Variants in NFRKB observed in about 807,000 individuals in gnomAD.
NFRKB encodes the protein nuclear factor related to kappa-B-binding protein.
A neutral mutation model predicts 135.7 loss-of-function variants in NFRKB; 62 were observed. The ratio of observed to expected loss-of-function variants is 0.46; its 90% CI spans 0.37 to 0.56. The LOEUF is 0.56. Ranked by LOEUF, NFRKB falls within the 20% of genes least tolerant of loss-of-function variation. NFRKB has a pLI of 0.00. For synonymous variants in NFRKB, 678 were observed against 635.6 expected, an observed-to-expected ratio of 1.07 and a Z score of -1.00; for missense variants, 1,545 against 1,662.0, an observed-to-expected ratio of 0.93 and a Z score of 1.22.
chr11:129,868,147 C>T (rs1337386503), intron 24 of NFRKB, among the ~76,000 whole-genome samples: 2 of 151,876 alleles, frequency 1.3e-5, no homozygotes, highest in Non-Finnish European at 2.9e-5. Context: ...CAAAAGACTC[C>T]ATATATAAGG....
At chr11:129,890,521 A>C (rs1057364898) in intron 3 of NFRKB, among the ~76,000 whole-genome samples, 57 of 152,124 alleles carry the variant, frequency 3.7e-4, no homozygotes, top group African/African-American at 1.2e-3. Flanking sequence ...CATTTTATCC[A>C]TAATGTTTGG....
chr11:129,888,501 TAAAAAGAA>T (rs1949387608), intron 4 of NFRKB, 85 bp downstream of exon 4: 1 of 1,256,712 alleles, frequency 8.0e-7, no homozygotes. Context: ...TACATGAAGA[TAAAAAGAA>T]GAAAAGGAAG....
Position 129,874,013 on chromosome 11 carries a change from A to G in NFRKB, c.2282T>C (p.Val761Ala), listed in dbSNP as rs1948644006. 6.2e-7 allele frequency: 1 copy of G among 1,611,794 alleles called. No homozygotes were observed. Among genetic ancestry groups the G allele is most frequent in the South Asian group, 1.1e-5 (1 of 91,064 alleles). ...VSEPAKSSSG[V>A]LLVSSPTMPH... is the part of the protein sequence containing the mutation. The stretch of plus-strand genomic sequence containing the variant: ...CATTGTTGGTGAAGACACCAGAAGA[A>G]CACTATGAAGAACATCGGGGAAAGA... Residue 761 changes from valine (V) to alanine (A), a missense_variant and splice_region_variant, in exon 22 of 27, where the codon GTT becomes GCT. Val to Ala is a moderately conservative substitution (Grantham distance 64). Coordinates refer to ENST00000682444, the MANE Select transcript of NFRKB (RefSeq NM_001143835.2). This position sits in a 1 kb window ranked among gnomAD's most constrained non-coding sequence, Gnocchi z 4.5.
At chr11:129,888,200 A>G in intron 4 of NFRKB, 1 of 506,910 alleles carries the variant, frequency 2.0e-6, no homozygotes. Flanking sequence ...TATTTTCTGC[A>G]GCAAAAAGTG....
chr11:129,882,613 A>G lies in NFRKB; in HGVS notation c.920T>C (p.Val307Ala), dbSNP rs765948869. 4 of 1,613,550 alleles carry G rather than the reference A, an allele frequency of 2.5e-6. No individual in the cohort carries two copies. The highest frequency in any genetic ancestry group is 2.5e-6 in the Non-Finnish European group (3 of 1,179,948). Residue 307 changes from valine (V) to alanine (A), a missense_variant, in exon 10 of 27, where the codon GTC (valine) becomes GCC (alanine). Val to Ala is a moderately conservative substitution (Grantham distance 64). This residue lies in a region of NFRKB where 678 missense variants were observed against 646.7 expected (regional missense o/e 1.05). Coordinates refer to ENST00000682444, the MANE Select transcript of NFRKB (RefSeq NM_001143835.2). ...TTTTTCCTTAACCTTTTTTTTAAGG[A>G]CAGCCAAGTCATATAAGGCTAGAAA... Reference protein sequence around the residue: ...GSLAALYDLAVLKKKVKEKEE... With the variant: ...GSLAALYDLAALKKKVKEKEE...
rs556811763 is a variant in NFRKB at position 129,883,927 on chromosome 11, G to A, written c.816+143C>T. On this transcript the variant is annotated intron_variant, in intron 8 of 26. Transcript: ENST00000682444. Reference sequence around the variant, plus strand: ...ACCGTGCCTCACATCGTTGATGCTAGCTAGCCTCGCCAGCTGCTCCTGTGC... The same window carrying A: ...ACCGTGCCTCACATCGTTGATGCTAACTAGCCTCGCCAGCTGCTCCTGTGC... The A allele has an allele frequency of 1.4e-5, 12 of 869,306 alleles. No individual in the cohort carries two copies. In the East Asian group the frequency reaches 2.7e-4, roughly 19 times the overall value. 53.8% of individuals were successfully genotyped at this position (869,306 alleles called of 1,614,324 possible). A position where few individuals can be genotyped will look rare whatever the true frequency, so the allele number is the denominator to read the frequency against.
chr11:129,895,266 T>G (rs1251665732), intron 1 of NFRKB, among the ~76,000 whole-genome samples: 2 of 152,162 alleles, frequency 1.3e-5, no homozygotes, highest in Non-Finnish European at 2.9e-5. Context: ...CCAGCCCGGC[T>G]GGCCCAAGGC....
At chr11:129,882,367 C>T in intron 10 of NFRKB, 84 bp downstream of exon 10, 1 of 1,484,306 alleles carries the variant, frequency 6.7e-7, no homozygotes, top group South Asian at 1.3e-5. Context: ...ATACTTACAG[C>T]TACGACAAGC....
chr11:129,892,409 C>T (rs1949600049), intron 3 of NFRKB, among the ~76,000 whole-genome samples: 1 of 152,082 alleles, frequency 6.6e-6, no homozygotes, highest in African/African-American at 2.4e-5. Flanking sequence ...AGTAGTATTC[C>T]ATGGTTAAAA....
chr11:129,893,026 C>G, intron 2 of NFRKB, 156 bp from the exon 3 acceptor site: 1 of 1,468,648 alleles, frequency 6.8e-7, no homozygotes, highest in Non-Finnish European at 9.0e-7. Context: ...CCCTCCCTTT[C>G]ACCACAGCAT....
rs753146000 is a variant in NFRKB at position 129,882,567 on chromosome 11, TTTC to T, written c.963_965del (p.Lys322del). On this transcript the variant is annotated inframe_deletion, in exon 10 of 27. Coordinates refer to ENST00000682444, the MANE Select transcript of NFRKB (RefSeq NM_001143835.2). ...CTGCCTCTGATTTGATCGTTTTTAT[TTTC>T]TTCTTCTTCTTTTCCTCTTTTTCCT... 2.9e-5 allele frequency: 47 copies of T among 1,614,094 alleles called. No homozygotes were observed. Among genetic ancestry groups the T allele is most frequent in the African/African-American group, 1.1e-4 (8 of 75,012 alleles).
chr11:129,894,530 T>A (rs1489202367), intron 1 of NFRKB, 92 bp from the exon 2 acceptor site: 1 of 152,244 alleles, frequency 6.6e-6, no homozygotes, highest in Non-Finnish European at 1.5e-5. Flanking sequence ...AAAGAACAGT[T>A]CTAGAATAAC....
intron 16 of NFRKB, 87 bp from the exon 17 acceptor site, chr11:129,876,982 G>T (rs1053928975): frequency 1.6e-6 from 2 of 1,264,714 alleles, no homozygotes; most frequent in Admixed American, 2.2e-5. Flanking sequence ...AGATCCACAT[G>T]GAACAATTAA....
Position 129,874,409 on chromosome 11 carries a change from T to G in NFRKB, c.2059-76A>C, listed in dbSNP as rs112344763. 5.3e-3 allele frequency: 8,214 copies of G among 1,539,150 alleles called. 388 individuals carry two copies. The African/African-American group carries it at 0.1, about 19-fold the overall frequency. The stretch of plus-strand genomic sequence containing the variant: ...AAGGAAGGGACACCCCTACAGCTCC[T>G]GATGCCCCACACCAAGTGAAAGCCG... On this transcript the variant is annotated intron_variant, in intron 20 of 26. Coordinates refer to ENST00000682444, the MANE Select transcript of NFRKB (RefSeq NM_001143835.2). The surrounding 1 kb of genome is among the most constrained non-coding windows in gnomAD (Gnocchi z 4.5).
At position 129,874,553 on chromosome 11, in the gene NFRKB, G is replaced by A. The variant is rs1948673492; in HGVS notation, c.2006C>T (p.Ala669Val). The A allele has an allele frequency of 1.2e-6, 2 of 1,614,056 alleles. No individual in the cohort carries two copies. Among genetic ancestry groups the A allele is most frequent in the African/African-American group, 1.3e-5 (1 of 74,908 alleles). ...FERIHQAQAAAAKARKALQQK... is the reference protein window; with the variant it reads ...FERIHQAQAAVAKARKALQQK... ...CTGAAGAGCTTTTCTGGCTTTAGCT[G>A]CAGCTGCTTGTGCTTGGTGAATCCG... The change falls in exon 20 of 27, where the codon GCA (alanine) becomes GTA (valine). Residue 669 changes from alanine (A) to valine (V), a missense_variant. Coordinates refer to ENST00000682444, the MANE Select transcript of NFRKB (RefSeq NM_001143835.2). The surrounding 1 kb of genome is among the most constrained non-coding windows in gnomAD (Gnocchi z 4.5).
At chr11:129,876,224 G>A (rs1251197131) in intron 17 of NFRKB, among the ~76,000 whole-genome samples, 2 of 152,170 alleles carry the variant, frequency 1.3e-5, no homozygotes, top group African/African-American at 4.8e-5. Flanking sequence ...CCTCCTGCTA[G>A]ATCTTGTCAT....
rs192783177 is a variant in NFRKB at position 129,874,337 on chromosome 11, G to A, written c.2059-4C>T. On this transcript the variant is annotated splice_region_variant and splice_polypyrimidine_tract_variant and intron_variant, in intron 20 of 26. Coordinates refer to ENST00000682444, the MANE Select transcript of NFRKB (RefSeq NM_001143835.2). This position sits in a 1 kb window ranked among gnomAD's most constrained non-coding sequence, Gnocchi z 4.5. ...AGCTCTCCTTGCTACTGGACTTCTAGAACGGAAGACAAAGAAAACTCACCT... is the reference window on the plus strand; with the variant it reads ...AGCTCTCCTTGCTACTGGACTTCTAAAACGGAAGACAAAGAAAACTCACCT... 112 of 1,519,244 alleles carry A rather than the reference G, an allele frequency of 7.4e-5. 1 individual carries two copies. In the South Asian group the frequency reaches 1.3e-3, roughly 17 times the overall value. The allele number at this position is 1,519,244 out of a possible 1,614,324, so 94.1% of individuals were successfully genotyped here.
At chr11:129,867,322 C>A (rs75929402) in intron 24 of NFRKB, among the ~76,000 whole-genome samples, 2 of 129,526 alleles carry the variant, frequency 1.5e-5, no homozygotes, top group South Asian at 2.5e-4. Context: ...CTAAGTAACT[C>A]TTTTTTTTTT....
At chr11:129,869,176 C>T (rs1948367359) in intron 24 of NFRKB, among the ~76,000 whole-genome samples, 1 of 152,314 alleles carries the variant, frequency 6.6e-6, no homozygotes, top group East Asian at 1.9e-4. Flanking sequence ...GAAGGGAGAA[C>T]TGGAACGTAG....
Sources: gnomAD v4.1 joint callset for allele counts (sites outside exome capture counted in the v4.1 genomes callset) on GRCh38, gnomAD v4.1.1 for gene constraint, gnomAD v4.1.1 regional missense constraint, Gnocchi (gnomAD v3.1) non-coding constraint, MANE v1.5 for transcripts, NCBI Gene and HGNC (gene_info 2026-07-23, HGNC 2026-07-21) for gene names.